ERBB4: variants seen among roughly 807,000 people sequenced by gnomAD.
ERBB4 encodes erb-b2 receptor tyrosine kinase 4.
ERBB4 carries 42 observed loss-of-function variants against 158.0 expected under a neutral mutation model. The ratio of observed to expected loss-of-function variants is 0.27; its 90% CI spans 0.21 to 0.34. ERBB4 has a LOEUF of 0.34. Among genes scored for constraint, ERBB4 ranks in the 10% least tolerant of loss-of-function variants. The probability of loss-of-function intolerance (pLI) is 1.00; values close to 1 mark genes in which losing one functional copy is unlikely to be tolerated. For synonymous variants in ERBB4, 583 were observed against 558.7 expected, an observed-to-expected ratio of 1.04 and a Z score of -0.61; for missense variants, 1,333 against 1,624.1, an observed-to-expected ratio of 0.82 and a Z score of 3.08.
chr2:211,469,551 T>G (rs543191305), intron 20 of ERBB4, among the ~76,000 whole-genome samples: 1 of 152,304 alleles, frequency 6.6e-6, no homozygotes, highest in East Asian at 1.9e-4. Flanking sequence ...TTGTTAATCT[T>G]AAAGCTAGAG....
At chr2:212,122,879 C>T (rs894632336) in intron 2 of ERBB4, among the ~76,000 whole-genome samples, 4 of 152,000 alleles carry the variant, frequency 2.6e-5, no homozygotes, top group Non-Finnish European at 5.9e-5. Context: ...GTTCCACGTA[C>T]AGAAAAGTAA....
At chr2:211,509,081 G>C (rs2125608739) in intron 20 of ERBB4, among the ~76,000 whole-genome samples, 1 of 152,166 alleles carries the variant, frequency 6.6e-6, no homozygotes, top group South Asian at 2.1e-4. Context: ...ACTATCACAG[G>C]AACAGAAAAC....
intron 1 of ERBB4, among the ~76,000 whole-genome samples, chr2:212,263,498 C>A (rs2085018670): frequency 6.6e-6 from 1 of 152,010 alleles, no homozygotes; most frequent in South Asian, 2.1e-4. Flanking sequence ...TTCTATGCAC[C>A]AAATTGCGTT....
intron 3 of ERBB4, among the ~76,000 whole-genome samples, chr2:211,839,847 T>C (rs2077431908): frequency 6.6e-6 from 1 of 152,100 alleles, no homozygotes; most frequent in African/African-American, 2.4e-5. Flanking sequence ...CAAAAAGACC[T>C]ACTGGGTTAA....
At chr2:212,058,828 A>G (rs2077666087) in intron 2 of ERBB4, among the ~76,000 whole-genome samples, 1 of 152,210 alleles carries the variant, frequency 6.6e-6, no homozygotes, top group Non-Finnish European at 1.5e-5. Context: ...ACCCACAGCC[A>G]ATATCATACT....
intron 1 of ERBB4, among the ~76,000 whole-genome samples, chr2:212,240,863 C>T (rs1056742290): frequency 1.3e-5 from 2 of 151,900 alleles, no homozygotes; most frequent in Non-Finnish European, 2.9e-5. Context: ...CCTTCCATGT[C>T]TTGCAAGACG....
chr2:211,772,468 A>G (rs967787707), intron 4 of ERBB4, among the ~76,000 whole-genome samples: 3 of 151,974 alleles, frequency 2.0e-5, no homozygotes, highest in Non-Finnish European at 4.4e-5. Flanking sequence ...TGAGAGGCAA[A>G]AAGACCTAGG....
chr2:211,763,079 A>G (rs1194778305), intron 4 of ERBB4, among the ~76,000 whole-genome samples: 1 of 152,112 alleles, frequency 6.6e-6, no homozygotes, highest in Non-Finnish European at 1.5e-5. Flanking sequence ...GTCTGGAGAC[A>G]TGAGAACGGT....
At chr2:212,476,872 C>G (rs1202311500) in intron 1 of ERBB4, among the ~76,000 whole-genome samples, 1 of 152,022 alleles carries the variant, frequency 6.6e-6, no homozygotes. Context: ...CGAAGCAAAA[C>G]CAAAAGACAA....
intron 4 of ERBB4, among the ~76,000 whole-genome samples, chr2:211,782,933 G>A (rs2076072110): frequency 6.6e-6 from 1 of 152,160 alleles, no homozygotes; most frequent in Non-Finnish European, 1.5e-5. Flanking sequence ...GCTTGATGGG[G>A]ATGGCACTGA....
In ERBB4 at chr2:211,679,187, G is replaced by A. The variant is rs1411700213; in HGVS notation, c.1490-3C>T. The A allele has an allele frequency of 6.8e-6, 11 of 1,613,484 alleles. No homozygotes were observed. Among genetic ancestry groups the A allele is most frequent in the East Asian group, 2.2e-5 (1 of 44,846 alleles). The stretch of plus-strand genomic sequence containing the variant: ...GTTGCACACCATTCCTTCAGCAGCT[G>A]TGAAACACCAAAATCAAGGGGAAAT... On this transcript the variant is annotated splice_polypyrimidine_tract_variant and splice_region_variant and intron_variant, in intron 12 of 27. Coordinates refer to ENST00000342788, the MANE Select transcript of ERBB4 (RefSeq NM_005235.3).
chr2:211,681,387 G>A (rs6726896), intron 12 of ERBB4, among the ~76,000 whole-genome samples: 150,308 of 152,264 alleles, frequency 0.99, 74,194 homozygotes, highest in East Asian at 1. Context: ...CAGGAGAGGA[G>A]TGGCTGGACA....
intron 3 of ERBB4, among the ~76,000 whole-genome samples, chr2:211,798,817 A>C (rs13005722): frequency 6.6e-6 from 1 of 151,994 alleles, no homozygotes; most frequent in Non-Finnish European, 1.5e-5. Context: ...TAATTAAAAA[A>C]TTGGGTTTCT....
Position 212,265,672 on chromosome 2 carries a change from A to T in ERBB4, c.83-140769T>A, listed in dbSNP as rs375715110. Among the ~76,000 whole-genome samples the T allele has an allele frequency of 3.9e-5, 6 of 152,200 alleles. No homozygotes were observed. In the South Asian group the frequency reaches 8.3e-4, roughly 21 times the overall value. On this transcript the variant is annotated intron_variant, in intron 1 of 27. Transcript: ENST00000342788. ...CCAAAACTTATTAATGTAACTTAAA[A>T]GACAAGAAAGGGAGATTGAAAGCTG...
chr2:211,506,303 A>G (rs1036305896), intron 20 of ERBB4, among the ~76,000 whole-genome samples: 1 of 152,158 alleles, frequency 6.6e-6, no homozygotes, highest in Non-Finnish European at 1.5e-5. Context: ...CAGTAATCCA[A>G]TAATAATGGG....
chr2:212,457,281 T>G (rs934808489), intron 1 of ERBB4, among the ~76,000 whole-genome samples: 1 of 152,044 alleles, frequency 6.6e-6, no homozygotes, highest in African/African-American at 2.4e-5. Flanking sequence ...TTTAGGATTT[T>G]TGAGATTCCC....
chr2:212,315,103 T>A (rs2087214914), intron 1 of ERBB4, among the ~76,000 whole-genome samples: 1 of 151,318 alleles, frequency 6.6e-6, no homozygotes, highest in South Asian at 2.1e-4. Context: ...AGGCAAGGAT[T>A]TCAGAAAATG....
chr2:211,842,218 ATGT>A (rs1422443327), intron 3 of ERBB4, among the ~76,000 whole-genome samples: 5 of 151,526 alleles, frequency 3.3e-5, no homozygotes, highest in East Asian at 1.9e-4. Context: ...AATTTCTGAC[ATGT>A]TGTACATATC....
intron 1 of ERBB4, among the ~76,000 whole-genome samples, chr2:212,228,944 C>A (rs2083570423): frequency 6.6e-6 from 1 of 152,132 alleles, no homozygotes; most frequent in South Asian, 2.1e-4. Flanking sequence ...GGCAAGTTAA[C>A]AATGCCTGTC....
Sources: allele counts gnomAD v4.1 joint callset (sites outside exome capture counted in the v4.1 genomes callset), GRCh38; gene constraint gnomAD v4.1.1; transcripts MANE v1.5; gene names NCBI Gene and HGNC (gene_info 2026-07-23, HGNC 2026-07-21).